AJAP1: variants seen among roughly 807,000 people sequenced by gnomAD.
AJAP1 encodes adherens junctions associated protein 1.
In AJAP1, 5 loss-of-function variants were observed where a neutral mutation model predicts 35.0. The ratio of observed to expected loss-of-function variants is 0.14; its 90% CI spans 0.07 to 0.30. AJAP1 has a LOEUF of 0.30. Among genes scored for constraint, AJAP1 ranks in the 10% least tolerant of loss-of-function variants. AJAP1 has a pLI of 1.00. For missense variants in AJAP1, 586 were observed against 571.0 expected (o/e 1.03, Z -0.27); for synonymous variants, 284 against 249.3 (o/e 1.14, Z -1.31).
chr1:4,662,543 C>T (rs1001600177), intron 1 of AJAP1, among the ~76,000 whole-genome samples: 7 of 152,294 alleles, frequency 4.6e-5, no homozygotes, highest in Middle Eastern at 3.4e-3. Flanking sequence ...ATGAACTTCG[C>T]GTGCACGCCT....
chr1:4,727,322 C>T (rs1353125651), intron 2 of AJAP1, among the ~76,000 whole-genome samples: 1 of 152,214 alleles, frequency 6.6e-6, no homozygotes, highest in African/African-American at 2.4e-5. Flanking sequence ...CCCGGCCCCA[C>T]CTTCCCTGTG....
intron 2 of AJAP1, among the ~76,000 whole-genome samples, chr1:4,744,301 A>G (rs1352757217): frequency 6.6e-6 from 1 of 151,920 alleles, no homozygotes; most frequent in African/African-American, 2.4e-5. Context: ...AAGCTCTGTG[A>G]TTTTTAAAGG....
chr1:4,738,987 C>T (rs1210584127), intron 2 of AJAP1, among the ~76,000 whole-genome samples: 1 of 152,034 alleles, frequency 6.6e-6, no homozygotes, highest in Non-Finnish European at 1.5e-5. Context: ...GGGGTTTGGA[C>T]ACCAAGTTCA....
chr1:4,720,870 G>A lies in AJAP1; in HGVS notation c.829+8171G>A, dbSNP rs1640501218. Among the ~76,000 whole-genome samples, 1 of 152,180 alleles carries A rather than the reference G, an allele frequency of 6.6e-6. No individual in the cohort carries two copies. ...TCTTTCCCTGCCCTGGAAGGCCTCA[G>A]TTCTCACTGTGGTGGTCAGACCTAC... On this transcript the variant is annotated intron_variant, in intron 2 of 5. Transcript: ENST00000378191. The surrounding 1 kb of genome is among the most constrained non-coding windows in gnomAD (Gnocchi z 4.4).
chr1:4,744,156 G>A (rs1641134343), intron 2 of AJAP1, among the ~76,000 whole-genome samples: 1 of 152,194 alleles, frequency 6.6e-6, no homozygotes, highest in South Asian at 2.1e-4. Context: ...CCAGGCCCGA[G>A]CTGGTGCAGC....
chr1:4,714,681 C>A (rs1220948071), intron 2 of AJAP1, among the ~76,000 whole-genome samples: 1 of 152,110 alleles, frequency 6.6e-6, no homozygotes, highest in African/African-American at 2.4e-5. Context: ...CAAAACAAAT[C>A]TAAAAAGAGG....
chr1:4,761,019 T>G (rs1281486051), intron 2 of AJAP1, among the ~76,000 whole-genome samples: 8 of 152,226 alleles, frequency 5.3e-5, no homozygotes, highest in Admixed American at 1.3e-4. Flanking sequence ...TGTTGGGTGA[T>G]TCATGATCTT....
At chr1:4,682,832 T>G (rs1639513618) in intron 1 of AJAP1, among the ~76,000 whole-genome samples, 1 of 149,868 alleles carries the variant, frequency 6.7e-6, no homozygotes, top group African/African-American at 2.5e-5. Context: ...ACTGGTGGTG[T>G]TGGTGATGGT....
intron 1 of AJAP1, among the ~76,000 whole-genome samples, chr1:4,679,631 C>G (rs952409110): frequency 3.3e-5 from 5 of 152,148 alleles, no homozygotes; most frequent in African/African-American, 1.2e-4. Context: ...CCTTCCTTGC[C>G]TCTTCCAGCT....
At chr1:4,755,448 C>T (rs1347121450) in intron 2 of AJAP1, among the ~76,000 whole-genome samples, 1 of 151,952 alleles carries the variant, frequency 6.6e-6, no homozygotes, top group Non-Finnish European at 1.5e-5. Flanking sequence ...TTGACACTGC[C>T]AGTGGGTTTT....
At chr1:4,721,079 C>A (rs1446437029) in intron 2 of AJAP1, among the ~76,000 whole-genome samples, 1 of 152,226 alleles carries the variant, frequency 6.6e-6, no homozygotes, top group Admixed American at 6.5e-5. Flanking sequence ...GTTGCACACG[C>A]TCCTCCCTTT....
intron 2 of AJAP1, among the ~76,000 whole-genome samples, chr1:4,717,503 A>G (rs1178251674): frequency 2.6e-5 from 4 of 152,218 alleles, no homozygotes; most frequent in Non-Finnish European, 5.9e-5. Flanking sequence ...CCAGCAGCTC[A>G]AGGATGAGAT....
Position 4,735,545 on chromosome 1 carries a change from G to A in AJAP1, c.829+22846G>A, listed in dbSNP as rs937422461. Among the ~76,000 whole-genome samples, 7 of 152,308 alleles carry A rather than the reference G, an allele frequency of 4.6e-5. No homozygotes were observed. In the South Asian group the frequency reaches 1.4e-3, roughly 32 times the overall value. ...GGCACTGGCCTAAGAGCTCAGAAAG[G>A]TTTAAAAAGATAAGACAGCCCACTG... On this transcript the variant is annotated intron_variant, in intron 2 of 5. Transcript: ENST00000378191.
intron 2 of AJAP1, among the ~76,000 whole-genome samples, chr1:4,715,760 C>A (rs1640375310): frequency 6.6e-6 from 1 of 152,164 alleles, no homozygotes; most frequent in Admixed American, 6.5e-5. Context: ...TAAAATAAGG[C>A]ACCTGGCGCT....
intron 1 of AJAP1, among the ~76,000 whole-genome samples, chr1:4,701,594 G>A (rs377765502): frequency 1.3e-5 from 2 of 152,216 alleles, no homozygotes; most frequent in African/African-American, 4.8e-5. Context: ...TGTCTACACT[G>A]CAGGATGTGT....
intron 2 of AJAP1, among the ~76,000 whole-genome samples, chr1:4,715,684 C>CA (rs77078230): frequency 4.9e-4 from 70 of 143,450 alleles, no homozygotes; most frequent in South Asian, 2.2e-3. Flanking sequence ...AAACTTATTT[C>CA]AAAAAAAAAA....
chr1:4,671,643 C>T (rs1009626981), intron 1 of AJAP1, among the ~76,000 whole-genome samples: 3 of 152,094 alleles, frequency 2.0e-5, no homozygotes, highest in Non-Finnish European at 4.4e-5. Context: ...ACACCTCTTC[C>T]AGTCCTGTGA....
At chr1:4,706,258 T>C (rs1640098388) in intron 1 of AJAP1, among the ~76,000 whole-genome samples, 1 of 152,188 alleles carries the variant, frequency 6.6e-6, no homozygotes, top group Non-Finnish European at 1.5e-5. Flanking sequence ...TTCTTTCTGC[T>C]TCCTGGAGAT....
intron 1 of AJAP1, among the ~76,000 whole-genome samples, chr1:4,677,754 AT>A (rs1323932389): frequency 6.9e-6 from 1 of 144,284 alleles, no homozygotes; most frequent in Non-Finnish European, 1.5e-5. Flanking sequence ...AAAAAAAAAA[AT>A]CATGTGCCTA....
Sources: allele counts gnomAD v4.1 joint callset (sites outside exome capture counted in the v4.1 genomes callset), GRCh38; gene constraint gnomAD v4.1.1; non-coding constraint Gnocchi (gnomAD v3.1); transcripts MANE v1.5; gene names NCBI Gene and HGNC (gene_info 2026-07-23, HGNC 2026-07-21).